Variants in ARHGAP42 observed in about 807,000 individuals in gnomAD.
ARHGAP42 encodes rho GTPase-activating protein 42.
ARHGAP42 carries 63 observed loss-of-function variants against 125.0 expected under a neutral mutation model. The ratio of observed to expected loss-of-function variants is 0.50; its 90% CI spans 0.41 to 0.62. ARHGAP42 has a LOEUF of 0.62. Among genes scored for constraint, ARHGAP42 ranks in the 20% least tolerant of loss-of-function variants. The pLI, the probability that ARHGAP42 is intolerant of heterozygous loss-of-function variation, is 0.00. For synonymous variants in ARHGAP42, 339 were observed against 351.0 expected, an observed-to-expected ratio of 0.97 and a Z score of 0.38; for missense variants, 766 against 1,024.2, an observed-to-expected ratio of 0.75 and a Z score of 3.44.
At position 100,724,053 on chromosome 11, in the gene ARHGAP42, A is replaced by G. The variant is rs113838887; in HGVS notation, c.154+36221A>G. Among the ~76,000 whole-genome samples, 878 of 152,252 alleles carry G rather than the reference A, an allele frequency of 5.8e-3. 6 individuals carry two copies. Among genetic ancestry groups the G allele is most frequent in the Middle Eastern group, 0.02 (6 of 294 alleles). On this transcript the variant is annotated intron_variant, in intron 1 of 23. Coordinates refer to ENST00000298815, the MANE Select transcript of ARHGAP42 (RefSeq NM_152432.4). The stretch of plus-strand genomic sequence containing the variant: ...TGAAACTTGTATATATTTATCTCAA[A>G]TGCTCTTTCTGCATTTATTGATATG...
intron 1 of ARHGAP42, among the ~76,000 whole-genome samples, chr11:100,763,916 A>G (rs1229392322): frequency 6.6e-6 from 1 of 152,196 alleles, no homozygotes; most frequent in Non-Finnish European, 1.5e-5. Flanking sequence ...CTATTTTAAA[A>G]TTTATATAGC....
chr11:100,712,545 G>A (rs1012619961), intron 1 of ARHGAP42, among the ~76,000 whole-genome samples: 23 of 152,160 alleles, frequency 1.5e-4, no homozygotes, highest in Non-Finnish European at 2.9e-4. Context: ...CCAGAAGTGG[G>A]ATAAGGGAAG....
intron 1 of ARHGAP42, among the ~76,000 whole-genome samples, chr11:100,741,481 A>G (rs926885828): frequency 6.6e-6 from 1 of 152,132 alleles, no homozygotes; most frequent in African/African-American, 2.4e-5. Context: ...TCCTGTTAGT[A>G]CCTGTCTGCT....
chr11:100,853,279 G>C (rs1591239325), intron 3 of ARHGAP42, among the ~76,000 whole-genome samples: 1 of 152,230 alleles, frequency 6.6e-6, no homozygotes, highest in South Asian at 2.1e-4. Context: ...TTTTCTGACT[G>C]TTTTTAGCCT....
chr11:100,921,910 T>A (rs552192213), intron 6 of ARHGAP42, among the ~76,000 whole-genome samples: 1 of 151,842 alleles, frequency 6.6e-6, no homozygotes, highest in South Asian at 2.1e-4. Context: ...TAGCATTGTT[T>A]CATCGACTAT....
At chr11:100,813,311 A>G (rs1436204102) in intron 3 of ARHGAP42, among the ~76,000 whole-genome samples, 1 of 152,204 alleles carries the variant, frequency 6.6e-6, no homozygotes, top group Non-Finnish European at 1.5e-5. Context: ...TGTGACAACC[A>G]GTGTCTCCAG....
At chr11:100,745,575 A>G (rs1320707263) in intron 1 of ARHGAP42, among the ~76,000 whole-genome samples, 1 of 152,170 alleles carries the variant, frequency 6.6e-6, no homozygotes, top group African/African-American at 2.4e-5. Flanking sequence ...TTTACCCCTG[A>G]GTTGTTGGCT....
At chr11:100,836,270 G>C (rs1016006806) in intron 3 of ARHGAP42, among the ~76,000 whole-genome samples, 4 of 152,022 alleles carry the variant, frequency 2.6e-5, no homozygotes, top group Non-Finnish European at 5.9e-5. Flanking sequence ...CTATGTGAAT[G>C]GAATTTTCTG....
In ARHGAP42 at chr11:100,992,089, G is replaced by T. The variant is rs1858844760; in HGVS notation, c.*3288G>T. 1.9e-6 allele frequency: 1 copy of T among 540,362 alleles called. No homozygotes were observed. Among genetic ancestry groups the T allele is most frequent in the Non-Finnish European group, 3.2e-6 (1 of 309,454 alleles). The allele number at this position is 540,362 out of a possible 1,614,324, so 33.5% of individuals were successfully genotyped here. A position where few individuals can be genotyped will look rare whatever the true frequency, so the allele number is the denominator to read the frequency against. On this transcript the variant is annotated 3_prime_UTR_variant, in exon 24 of 24. Coordinates refer to ENST00000298815, the MANE Select transcript of ARHGAP42 (RefSeq NM_152432.4). ...GTTCTTCTGGTCTGTGTTGAAAAGG[G>T]TATCATTCATGTGGTTTCAGTTTAG...
intron 4 of ARHGAP42, among the ~76,000 whole-genome samples, chr11:100,884,225 C>T (rs748577249): frequency 2.0e-5 from 3 of 152,150 alleles, no homozygotes; most frequent in Non-Finnish European, 4.4e-5. Context: ...CTGAGTTGCT[C>T]AAGTTACTGT....
chr11:100,729,811 CT>C (rs1218377976), intron 1 of ARHGAP42, among the ~76,000 whole-genome samples: 7,470 of 133,582 alleles, frequency 0.056, 190 homozygotes, highest in Middle Eastern at 0.094. Context: ...AAATTTCTTT[CT>C]TTTTTTTTTT....
At chr11:100,690,659 C>A (rs1014873606) in intron 1 of ARHGAP42, among the ~76,000 whole-genome samples, 1 of 152,038 alleles carries the variant, frequency 6.6e-6, no homozygotes, top group Non-Finnish European at 1.5e-5. Context: ...TGCAGTGGTG[C>A]GATCTCGGCT....
chr11:100,861,569 A>T (rs1201748316), intron 4 of ARHGAP42, among the ~76,000 whole-genome samples: 1 of 152,200 alleles, frequency 6.6e-6, no homozygotes, highest in African/African-American at 2.4e-5. Flanking sequence ...GAGATGTATG[A>T]AAGCTATTTT....
At chr11:100,769,268 G>T (rs1199485819) in intron 1 of ARHGAP42, among the ~76,000 whole-genome samples, 3 of 152,158 alleles carry the variant, frequency 2.0e-5, no homozygotes, top group African/African-American at 4.8e-5. Flanking sequence ...AAGGCCCAGA[G>T]GAGTTAAATA....
At chr11:100,789,653 G>A (rs1220114113) in intron 2 of ARHGAP42, among the ~76,000 whole-genome samples, 6 of 152,196 alleles carry the variant, frequency 3.9e-5, no homozygotes, top group Admixed American at 1.3e-4. Context: ...GTTACATAAC[G>A]TACAGAGTTG....
intron 4 of ARHGAP42, among the ~76,000 whole-genome samples, chr11:100,909,341 G>T (rs369519459): frequency 8.0e-5 from 11 of 137,422 alleles, no homozygotes; most frequent in South Asian, 2.3e-4. Context: ...GACTTTTCTT[G>T]TTTTTTTTTT....
At chr11:100,692,744 C>A (rs1017797724) in intron 1 of ARHGAP42, among the ~76,000 whole-genome samples, 1 of 152,188 alleles carries the variant, frequency 6.6e-6, no homozygotes, top group African/African-American at 2.4e-5. Context: ...GGTGTCTACC[C>A]TGAGTGTCCA....
chr11:100,956,332 G>GTCAGAGAA (rs1857803750), intron 12 of ARHGAP42, among the ~76,000 whole-genome samples: 1 of 152,136 alleles, frequency 6.6e-6, no homozygotes, highest in Admixed American at 6.6e-5. Context: ...CTCAGAGGCT[G>GTCAGAGAA]ATGACAATAT....
At chr11:100,916,810 A>G (rs141171765) in intron 5 of ARHGAP42, among the ~76,000 whole-genome samples, 1 of 152,342 alleles carries the variant, frequency 6.6e-6, no homozygotes, top group South Asian at 2.1e-4. Context: ...ATAAGTGCAG[A>G]AATTTAGAAA....
Sources: gnomAD v4.1 joint callset for allele counts (sites outside exome capture counted in the v4.1 genomes callset) on GRCh38, gnomAD v4.1.1 for gene constraint, MANE v1.5 for transcripts, NCBI Gene and HGNC (gene_info 2026-07-23, HGNC 2026-07-21) for gene names.